Variants in LENG1 observed in about 807,000 individuals in gnomAD.
LENG1 encodes leukocyte receptor cluster (LRC) member 1.
LENG1 carries 35 observed loss-of-function variants against 28.8 expected under a neutral mutation model. The ratio of observed to expected loss-of-function variants is 1.22; its 90% CI spans 0.93 to 1.61. The LOEUF is 1.61. Among genes scored for constraint, LENG1 ranks in the 40% most tolerant of loss-of-function variants. The pLI is 0.00. For synonymous variants in LENG1, 170 were observed against 140.6 expected (o/e 1.21, Z -1.48); for missense variants, 404 against 348.9 (o/e 1.16, Z -1.26).
At chr19:54,158,998 C>T (rs751649136) in intron 1 of LENG1, among the ~76,000 whole-genome samples, 6 of 152,206 alleles carry the variant, frequency 3.9e-5, no homozygotes, top group Non-Finnish European at 7.3e-5. Flanking sequence ...ACGGAAAGCC[C>T]GTGTTTGTGT....
At chr19:54,157,863 G>A (rs1360080786) in intron 2 of LENG1, among the ~76,000 whole-genome samples, 7 of 151,148 alleles carry the variant, frequency 4.6e-5, no homozygotes, top group East Asian at 1.9e-4. Flanking sequence ...GATTACAGGC[G>A]CGCACCACCA....
In LENG1 at chr19:54,159,546, G is replaced by A; in HGVS notation, c.132+18C>T. The A allele has an allele frequency of 1.3e-6, 2 of 1,529,876 alleles. No individual in the cohort carries two copies. The highest frequency in any genetic ancestry group is 1.2e-5 in the South Asian group (1 of 82,898). 94.8% of individuals were successfully genotyped at this position (1,529,876 alleles called of 1,614,324 possible). On this transcript the variant is annotated intron_variant, in intron 1 of 3. Transcript: ENST00000222224. ...GCGCTGGGCCCCGGAGCGCCGCCCT[G>A]CCGGCTTCCGAGCTTACCTCTTGCT...
rs2075357794 is a variant in LENG1, at chr19:54,155,510, G to T, written c.*211C>A. On this transcript the variant is annotated 3_prime_UTR_variant, in exon 4 of 4. Transcript: ENST00000222224. ...ACTGGAGGGAGGCCCCAAGCCACGG[G>T]GCATCCCCCTCTCCCAGGAAGCAGG... 2.1e-6 allele frequency: 2 copies of T among 936,090 alleles called. No homozygotes were observed. Among genetic ancestry groups the T allele is most frequent in the African/African-American group, 3.3e-5 (2 of 60,404 alleles). 58.0% of individuals were successfully genotyped at this position (936,090 alleles called of 1,614,324 possible). A position where few individuals can be genotyped will look rare whatever the true frequency, so the allele number is the denominator to read the frequency against.
rs553471212 is a variant in LENG1, at chr19:54,158,477, T to C, written c.133-16A>G. 1.8e-5 allele frequency: 29 copies of C among 1,607,162 alleles called. No individual in the cohort carries two copies. Among genetic ancestry groups the C allele is most frequent in the Middle Eastern group, 1.7e-4 (1 of 6,028 alleles). On this transcript the variant is annotated splice_polypyrimidine_tract_variant and intron_variant, in intron 1 of 3. Transcript: ENST00000222224. The stretch of plus-strand genomic sequence containing the variant: ...CTGTACGGGCCTGGGGAGAAAGTTA[T>C]AGGCAGGACATTCAGAACCTAGAGG...
chr19:54,155,379 G>A lies in LENG1; in HGVS notation c.*342C>T, dbSNP rs1300191234. On this transcript the variant is annotated 3_prime_UTR_variant, in exon 4 of 4. Transcript: ENST00000222224. ...AAGGAAGGCTTCACCTTTGAGTACC[G>A]CTACCTGGAGGACCGGGACCTCCAG... 1 of 1,611,066 alleles carries A rather than the reference G, an allele frequency of 6.2e-7. No homozygotes were observed. The highest frequency in any genetic ancestry group is 2.2e-5 in the East Asian group (1 of 44,742).
Position 54,156,965 on chromosome 19 carries a change from G to T in LENG1, c.373C>A (p.Gln125Lys), listed in dbSNP as rs1387506103. Residue 125 changes from glutamine to lysine, a missense_variant, in exon 3 of 4, where the codon CAG becomes AAG. Physicochemically the swap from Gln to Lys is moderately conservative, Grantham distance 53. Transcript: ENST00000222224. ...TYLGQSAAEA[Q>K]TQPPWYQLPP... ...AGCTGGTACCAAGGGGGTTGAGTCT[G>T]TGCCTCCGCTGCACTCTGGCCCAGG... is the stretch of plus-strand genomic sequence containing the variant. 5 of 1,607,818 alleles carry T rather than the reference G, an allele frequency of 3.1e-6. No homozygotes were observed. The highest frequency in any genetic ancestry group is 4.3e-6 in the Non-Finnish European group (5 of 1,176,258).
At position 54,155,564 on chromosome 19, in the gene LENG1, C is replaced by G; in HGVS notation, c.*157G>C. 1.0e-6 allele frequency: 1 copy of G among 963,728 alleles called. No homozygotes were observed. Among genetic ancestry groups the G allele is most frequent in the Non-Finnish European group, 1.5e-6 (1 of 657,576 alleles). 59.7% of individuals were successfully genotyped at this position (963,728 alleles called of 1,614,324 possible). ...GGGGCCGGGAGGTTTTCCTCTCAGC[C>G]CCACCCTGGGGGCCCGGGGGCGAGG... On this transcript the variant is annotated 3_prime_UTR_variant, in exon 4 of 4. Coordinates refer to ENST00000222224, the MANE Select transcript of LENG1 (RefSeq NM_024316.3).
chr19:54,155,283 CACTG>C lies in LENG1; in HGVS notation c.*434_*437del. The C allele has an allele frequency of 6.2e-7, 1 of 1,611,572 alleles. No homozygotes were observed. Among genetic ancestry groups the C allele is most frequent in the Non-Finnish European group, 8.5e-7 (1 of 1,179,236 alleles). ...ATCCCAGACCACCTCCTCGTCCACT[CACTG>C]ACCGCCTTCTCCCCCGGCCAGGGCA... On this transcript the variant is annotated 3_prime_UTR_variant, in exon 4 of 4. Transcript: ENST00000222224.
Position 54,155,530 on chromosome 19 carries a change from A to G in LENG1, c.*191T>C, listed in dbSNP as rs1379482133. On this transcript the variant is annotated 3_prime_UTR_variant, in exon 4 of 4. Transcript: ENST00000222224. ...CACGGGGCATCCCCCTCTCCCAGGAAGCAGGGAGGGGGCCGGGAGGTTTTC... is the reference window on the plus strand; with the variant it reads ...CACGGGGCATCCCCCTCTCCCAGGAGGCAGGGAGGGGGCCGGGAGGTTTTC... 1.4e-5 allele frequency: 13 copies of G among 905,806 alleles called. No individual in the cohort carries two copies. Among genetic ancestry groups the G allele is most frequent in the Non-Finnish European group, 2.1e-5 (13 of 605,532 alleles). The allele number at this position is 905,806 out of a possible 1,614,324, so 56.1% of individuals were successfully genotyped here.
chr19:54,156,463 C>T (rs1245079732), intron 3 of LENG1, among the ~76,000 whole-genome samples: 3 of 152,204 alleles, frequency 2.0e-5, no homozygotes, highest in Non-Finnish European at 4.4e-5. Flanking sequence ...TGCCATTGGC[C>T]ATCAGAGTGA....
intron 2 of LENG1, 42 bp downstream of exon 2, chr19:54,158,240 C>A (rs369711554): frequency 6.3e-7 from 1 of 1,581,486 alleles, no homozygotes; most frequent in African/African-American, 1.3e-5. Context: ...CCCTCCAACT[C>A]GATTCATGGC....
rs771664051 is a variant in LENG1, at chr19:54,159,550, G to C, written c.132+14C>G. ...TGGGCCCCGGAGCGCCGCCCTGCCG[G>C]CTTCCGAGCTTACCTCTTGCTGAGC... On this transcript the variant is annotated intron_variant, in intron 1 of 3. Coordinates refer to ENST00000222224, the MANE Select transcript of LENG1 (RefSeq NM_024316.3). 2 of 1,535,816 alleles carry C rather than the reference G, an allele frequency of 1.3e-6. No homozygotes were observed. The highest frequency in any genetic ancestry group is 4.2e-4 in the Middle Eastern group (2 of 4,818).
rs562121605 is a variant in LENG1 at position 54,157,025 on chromosome 19, C to T, written c.313G>A (p.Glu105Lys). The change falls in exon 3 of 4, where the codon GAG (glutamate) becomes AAG (lysine). Residue 105 changes from glutamate to lysine, a missense_variant and splice_region_variant. Transcript: ENST00000222224. The stretch of plus-strand genomic sequence containing the variant: ...ATGCCCAGAGCTTTCTCTTGCCTCT[C>T]CTGAGGGGGCCAGGAAATACAAGAG... ...EYKEEKRQEKERQEKALGILT... is the reference protein window; with the variant it reads ...EYKEEKRQEKKRQEKALGILT... 1.2e-5 allele frequency: 19 copies of T among 1,527,388 alleles called. No homozygotes were observed. Among genetic ancestry groups the T allele is most frequent in the Non-Finnish European group, 1.6e-5 (18 of 1,137,822 alleles). The allele number at this position is 1,527,388 out of a possible 1,614,324, so 94.6% of individuals were successfully genotyped here. A position where few individuals can be genotyped will look rare whatever the true frequency, so the allele number is the denominator to read the frequency against.
At position 54,158,288 on chromosome 19, in the gene LENG1, C is replaced by T. The variant is rs1385748701; in HGVS notation, c.306G>A (p.Gln102=). ...GNKEYKEEKR[Q]EKERQEKALG... ...GTGGGTGAGGCCAGCTTACTTTCTC[C>T]TGTCGCTTTTCTTCCTTGTACTCTT... The change falls in exon 2 of 4, where the codon CAG becomes CAA. Residue 102 remains glutamine, a synonymous_variant. Transcript: ENST00000222224. The T allele has an allele frequency of 3.1e-6, 5 of 1,613,340 alleles. No homozygotes were observed. The highest frequency in any genetic ancestry group is 2.7e-5 in the African/African-American group (2 of 74,918).
intron 1 of LENG1, among the ~76,000 whole-genome samples, chr19:54,159,018 T>C (rs759857686): frequency 3.9e-4 from 59 of 152,220 alleles, no homozygotes; most frequent in Non-Finnish European, 7.2e-4. Context: ...TGTATGTGTC[T>C]AGGGGGCGGT....
At chr19:54,157,108 A>T (rs879961483) in intron 2 of LENG1, 83 bp from the exon 3 acceptor site, 11 of 1,163,002 alleles carry the variant, frequency 9.5e-6, no homozygotes, top group Non-Finnish European at 1.3e-5. Context: ...TATCTAAGCG[A>T]ACAGGTATCT....
chr19:54,156,022 G>T, intron 3 of LENG1, 82 bp from the exon 4 acceptor site: 1 of 1,253,774 alleles, frequency 8.0e-7, no homozygotes, highest in South Asian at 1.4e-5. Flanking sequence ...GGGAGCTGCC[G>T]CCTGGAAGCC....
chr19:54,156,838 T>C lies in LENG1; in HGVS notation c.500A>G (p.Lys167Arg), dbSNP rs1196391362. ...GCCTTCATCACCGCCGTGCTGTCTC[T>C]TCTTCCCCAGATGCTTCTGCATCTC... ...LREMQKHLGK[K>R]RQHGGDEGSR... Residue 167 changes from lysine to arginine, a missense_variant, in exon 3 of 4, where the codon AAG becomes AGG. Physicochemically the swap from Lys to Arg is conservative, Grantham distance 26. Coordinates refer to ENST00000222224, the MANE Select transcript of LENG1 (RefSeq NM_024316.3). 3.7e-6 allele frequency: 6 copies of C among 1,613,958 alleles called. No homozygotes were observed. Among genetic ancestry groups the C allele is most frequent in the African/African-American group, 2.7e-5 (2 of 74,936 alleles).
rs1568704688 is a variant in LENG1, at chr19:54,156,753, G to C, written c.575+10C>G. 1 of 1,603,816 alleles carries C rather than the reference G, an allele frequency of 6.2e-7. No homozygotes were observed. Among genetic ancestry groups the C allele is most frequent in the Non-Finnish European group, 8.5e-7 (1 of 1,173,706 alleles). ...CTGGGCCCTGGTCTGCCGAGGTGGG[G>C]TCTTCTTACTCCTTGGGTCGCTGCT... On this transcript the variant is annotated intron_variant, in intron 3 of 3. Transcript: ENST00000222224.
Sources: allele counts gnomAD v4.1 joint callset (sites outside exome capture counted in the v4.1 genomes callset), GRCh38; gene constraint gnomAD v4.1.1; transcripts MANE v1.5; gene names NCBI Gene and HGNC (gene_info 2026-07-23, HGNC 2026-07-21).